The following NTF3 variants were observed in gnomAD, a reference collection of about 807,000 sequenced individuals.
NTF3 encodes the protein neurotrophin 3.
In NTF3, 8 loss-of-function variants were observed where a neutral mutation model predicts 26.3. The observed-to-expected ratio is 0.30, with a 90% CI of 0.18 to 0.55. NTF3 has a LOEUF of 0.55. Ranked by LOEUF, NTF3 falls within the 20% of genes least tolerant of loss-of-function variation. NTF3 has a pLI of 0.93. For missense variants in NTF3, 276 were observed against 352.9 expected, an observed-to-expected ratio of 0.78 and a Z score of 1.75; for synonymous variants, 154 against 145.5, an observed-to-expected ratio of 1.06 and a Z score of -0.42.
chr12:5,494,769 C>T lies in NTF3; in HGVS notation c.594C>T (p.Pro198=), dbSNP rs10849277. Residue 198 remains proline, a synonymous_variant, in exon 2 of 2, where the codon CCC becomes CCT. Coordinates refer to ENST00000423158, the MANE Select transcript of NTF3 (RefSeq NM_001102654.2). This position sits in a 1 kb window ranked among gnomAD's most constrained non-coding sequence, Gnocchi z 8.3. Reference sequence around the variant, plus strand: ...GGGAGATCAAAACGGGCAACTCTCCCGTCAAACAATATTTTTATGAAACGC... The same window carrying T: ...GGGAGATCAAAACGGGCAACTCTCCTGTCAAACAATATTTTTATGAAACGC... The part of the protein sequence containing the change: ...VLGEIKTGNS[P]VKQYFYETRC... 281,928 of 1,613,982 alleles carry T rather than the reference C, an allele frequency of 0.17. 26,523 individuals carry two copies. Among genetic ancestry groups the T allele is most frequent in the South Asian group, 0.22 (19,720 of 91,066 alleles).
intron 1 of NTF3, among the ~76,000 whole-genome samples, chr12:5,435,498 TA>T (rs544660483): frequency 9.8e-4 from 150 of 152,324 alleles, no homozygotes; most frequent in Non-Finnish European, 1.6e-3. Flanking sequence ...TCTGGTTTTG[TA>T]AAAAGTGGGG....
intron 1 of NTF3, among the ~76,000 whole-genome samples, chr12:5,444,630 G>A (rs905145424): frequency 2.0e-5 from 3 of 152,212 alleles, no homozygotes; most frequent in Non-Finnish European, 2.9e-5. Flanking sequence ...CCCATATCCA[G>A]TATGGTGGAG....
chr12:5,475,103 C>T (rs1250295839), intron 1 of NTF3, among the ~76,000 whole-genome samples: 3 of 151,702 alleles, frequency 2.0e-5, no homozygotes, highest in African/African-American at 7.3e-5. Flanking sequence ...TGAGCATAGA[C>T]GTATCTACAC....
At chr12:5,477,064 A>C (rs1591603437) in intron 1 of NTF3, among the ~76,000 whole-genome samples, 1 of 152,230 alleles carries the variant, frequency 6.6e-6, no homozygotes, top group Admixed American at 6.5e-5. Flanking sequence ...TAAGGAAAAA[A>C]TAAACATGAA....
chr12:5,466,545 T>G (rs1940591956), intron 1 of NTF3, among the ~76,000 whole-genome samples: 1 of 152,140 alleles, frequency 6.6e-6, no homozygotes, highest in South Asian at 2.1e-4. Context: ...ATTCCAGAAG[T>G]GGCATGTGTG....
intron 1 of NTF3, among the ~76,000 whole-genome samples, chr12:5,457,106 G>C (rs1183670156): frequency 1.3e-5 from 2 of 152,196 alleles, no homozygotes; most frequent in Non-Finnish European, 2.9e-5. Flanking sequence ...AACAGGAAGT[G>C]CTTTGCATTC....
intron 1 of NTF3, among the ~76,000 whole-genome samples, chr12:5,490,000 A>G (rs1197891304): frequency 1.3e-5 from 2 of 152,210 alleles, no homozygotes; most frequent in Non-Finnish European, 2.9e-5. Flanking sequence ...CTAAGTGAGG[A>G]AAATCGCACA....
At chr12:5,435,522 G>A (rs1287020369) in intron 1 of NTF3, among the ~76,000 whole-genome samples, 8 of 152,202 alleles carry the variant, frequency 5.3e-5, no homozygotes. Context: ...TAAAGAGAGG[G>A]ATGATGTAGA....
chr12:5,465,648 T>C (rs1940580464), intron 1 of NTF3, among the ~76,000 whole-genome samples: 1 of 152,262 alleles, frequency 6.6e-6, no homozygotes, highest in African/African-American at 2.4e-5. Flanking sequence ...ACAGAAATCA[T>C]GTGGCTCGCA....
chr12:5,463,530 A>G (rs539020310), intron 1 of NTF3, among the ~76,000 whole-genome samples: 1 of 152,070 alleles, frequency 6.6e-6, no homozygotes, highest in Non-Finnish European at 1.5e-5. Flanking sequence ...ACAGGCAGAG[A>G]TGGTTGGGGG....
intron 1 of NTF3, among the ~76,000 whole-genome samples, chr12:5,477,655 TATC>T (rs1322383841): frequency 6.6e-6 from 1 of 152,212 alleles, no homozygotes; most frequent in African/African-American, 2.4e-5. Context: ...CAAAGTGAGT[TATC>T]ATCACTATTG....
At chr12:5,485,794 G>A (rs550280435) in intron 1 of NTF3, among the ~76,000 whole-genome samples, 174 of 152,284 alleles carry the variant, frequency 1.1e-3, no homozygotes, top group African/African-American at 4.1e-3. Flanking sequence ...CAGTTTTGAT[G>A]GAAGATTGGT....
chr12:5,474,109 A>G (rs1336818990), intron 1 of NTF3, among the ~76,000 whole-genome samples: 2 of 152,330 alleles, frequency 1.3e-5, no homozygotes, highest in Non-Finnish European at 2.9e-5. Flanking sequence ...AGCTGACAAT[A>G]ATGATGGCAG....
At chr12:5,476,420 T>C (rs1218592479) in intron 1 of NTF3, among the ~76,000 whole-genome samples, 1 of 152,174 alleles carries the variant, frequency 6.6e-6, no homozygotes, top group Non-Finnish European at 1.5e-5. Flanking sequence ...AGCAAATTGT[T>C]GATCTACAGT....
At chr12:5,432,068 C>G (rs964266497), upstream of NTF3, 19 of 461,358 alleles carry the variant, frequency 4.1e-5, no homozygotes, top group African/African-American at 2.8e-4. Flanking sequence ...GCCATCTGGC[C>G]GGGTTGGCTG....
chr12:5,462,940 A>T (rs1053410826), intron 1 of NTF3, among the ~76,000 whole-genome samples: 2 of 152,200 alleles, frequency 1.3e-5, no homozygotes, highest in African/African-American at 4.8e-5. Flanking sequence ...AGCTCTTTAT[A>T]TGACTCTTTT....
intron 1 of NTF3, among the ~76,000 whole-genome samples, chr12:5,476,481 GTAGTTCA>G (rs1246130324): frequency 6.6e-6 from 1 of 152,224 alleles, no homozygotes; most frequent in Non-Finnish European, 1.5e-5. Flanking sequence ...TGGGCACCAA[GTAGTTCA>G]TAGGCCGCGT....
At chr12:5,438,608 G>A (rs1268233305) in intron 1 of NTF3, among the ~76,000 whole-genome samples, 1 of 152,164 alleles carries the variant, frequency 6.6e-6, no homozygotes, top group Non-Finnish European at 1.5e-5. Flanking sequence ...AAGATTTAAG[G>A]TTCTCCAACA....
chr12:5,433,808 C>A lies in NTF3; in HGVS notation c.18+1466C>A, dbSNP rs765460049. On this transcript the variant is annotated intron_variant, in intron 1 of 1. Transcript: ENST00000423158. This position sits in a 1 kb window ranked among gnomAD's most constrained non-coding sequence, Gnocchi z 4.6. ...GCTAGAGAGCTCGGGAGACTGTGCG[C>A]CTGTGGACTTGTTTATGTGTGTGAA... Among the ~76,000 whole-genome samples, 5 of 150,574 alleles carry A rather than the reference C, an allele frequency of 3.3e-5. No individual in the cohort carries two copies. Among genetic ancestry groups the A allele is most frequent in the Non-Finnish European group, 7.4e-5 (5 of 67,664 alleles).
Sources: gnomAD v4.1 joint callset for allele counts (sites outside exome capture counted in the v4.1 genomes callset) on GRCh38, gnomAD v4.1.1 for gene constraint, Gnocchi (gnomAD v3.1) non-coding constraint, MANE v1.5 for transcripts, NCBI Gene and HGNC (gene_info 2026-07-23, HGNC 2026-07-21) for gene names.